Variants in STRBP observed in about 807,000 individuals in gnomAD.
The protein encoded by STRBP is spermatid perinuclear RNA binding protein.
In STRBP, 13 loss-of-function variants were observed where a neutral mutation model predicts 80.1. That is an observed-to-expected ratio of 0.16 (90% CI 0.11 to 0.26). The LOEUF is 0.26. STRBP is among the 10% of genes least tolerant of loss of function. STRBP has a pLI of 1.00. For missense variants in STRBP, 485 were observed against 815.2 expected (o/e 0.59, Z 4.93); for synonymous variants, 284 against 291.2 (o/e 0.98, Z 0.25).
intron 2 of STRBP, among the ~76,000 whole-genome samples, chr9:123,205,623 C>A (rs1238816405): frequency 6.6e-6 from 1 of 152,146 alleles, no homozygotes; most frequent in Non-Finnish European, 1.5e-5. Flanking sequence ...AAAAGAAATA[C>A]ATAGATTCAC....
intron 6 of STRBP, among the ~76,000 whole-genome samples, chr9:123,162,248 A>G (rs2037552943): frequency 6.6e-6 from 1 of 150,686 alleles, no homozygotes; most frequent in Non-Finnish European, 1.5e-5. Flanking sequence ...TTTTTGAGAC[A>G]GGTTCGTCCT....
rs981518372 is a variant in STRBP, at chr9:123,122,506, A to G, written c.*3091T>C. ...CTCTCAGTGGTTTGTTCCCCAGGCT[A>G]ACAATTTGAGAGAGACTACAAACGA... is the stretch of plus-strand genomic sequence containing the variant. On this transcript the variant is annotated 3_prime_UTR_variant, in exon 19 of 19. Coordinates refer to ENST00000348403, the MANE Select transcript of STRBP (RefSeq NM_018387.5). 3.4e-6 allele frequency: 4 copies of G among 1,188,154 alleles called. No individual in the cohort carries two copies. The African/African-American group carries it at 6.4e-5, about 19-fold the overall frequency. 73.6% of individuals were successfully genotyped at this position (1,188,154 alleles called of 1,614,324 possible).
chr9:123,230,449 C>T (rs925571942), intron 2 of STRBP, among the ~76,000 whole-genome samples: 3 of 152,280 alleles, frequency 2.0e-5, no homozygotes, highest in Admixed American at 2.0e-4. Flanking sequence ...AACTTACATA[C>T]ATTTCCTAAT....
intron 1 of STRBP, among the ~76,000 whole-genome samples, chr9:123,244,629 T>C (rs1397905047): frequency 6.6e-6 from 1 of 152,194 alleles, no homozygotes; most frequent in Non-Finnish European, 1.5e-5. Flanking sequence ...AGTCTACTAA[T>C]CTTTCTCAAA....
chr9:123,151,277 T>C (rs2037046191), intron 11 of STRBP, among the ~76,000 whole-genome samples: 1 of 152,038 alleles, frequency 6.6e-6, no homozygotes, highest in Non-Finnish European at 1.5e-5. Context: ...AAATCCACAA[T>C]AGATGGGAAC....
chr9:123,185,356 C>G (rs2038653017), intron 2 of STRBP, among the ~76,000 whole-genome samples: 1 of 152,086 alleles, frequency 6.6e-6, no homozygotes, highest in Non-Finnish European at 1.5e-5. Flanking sequence ...TGCTTGAAGC[C>G]AGAAGTTCGA....
chr9:123,154,338 A>C (rs2037187440), intron 11 of STRBP, among the ~76,000 whole-genome samples: 1 of 152,228 alleles, frequency 6.6e-6, no homozygotes, highest in Non-Finnish European at 1.5e-5. Flanking sequence ...GTCACGAAAG[A>C]TTAAACTTAG....
chr9:123,267,784 G>T (rs533531693), intron 1 of STRBP, among the ~76,000 whole-genome samples: 1 of 149,434 alleles, frequency 6.7e-6, no homozygotes, highest in East Asian at 2.0e-4. Context: ...TCCTGCTCGA[G>T]TCCCCAGTCT....
At chr9:123,200,913 G>A (rs1204075917) in intron 2 of STRBP, among the ~76,000 whole-genome samples, 1 of 151,216 alleles carries the variant, frequency 6.6e-6, no homozygotes, top group Non-Finnish European at 1.5e-5. Context: ...TAATCTCACT[G>A]CTTGTTATTG....
At chr9:123,185,045 C>T (rs1049102715) in intron 2 of STRBP, among the ~76,000 whole-genome samples, 4 of 151,194 alleles carry the variant, frequency 2.6e-5, no homozygotes, top group East Asian at 1.9e-4. Context: ...CTTTTCTGAG[C>T]ACTGATGAAA....
At chr9:123,215,334 G>C (rs142342018) in intron 2 of STRBP, among the ~76,000 whole-genome samples, 1 of 152,096 alleles carries the variant, frequency 6.6e-6, no homozygotes, top group African/African-American at 2.4e-5. Context: ...TGGGATTATA[G>C]GCATGAGCCA....
chr9:123,183,851 G>A (rs559224109), intron 3 of STRBP, among the ~76,000 whole-genome samples: 2 of 152,228 alleles, frequency 1.3e-5, no homozygotes, highest in East Asian at 3.9e-4. Context: ...GTATCAGTTT[G>A]CTAATGCCAG....
chr9:123,146,431 TA>T (rs1319034162), intron 13 of STRBP, among the ~76,000 whole-genome samples: 2 of 151,340 alleles, frequency 1.3e-5, no homozygotes, highest in South Asian at 2.1e-4. Context: ...GTACCGCCAT[TA>T]AAAATTATTT....
Position 123,122,224 on chromosome 9 carries a change from C to T in STRBP, c.*3373G>A. The T allele has an allele frequency of 1.1e-6, 1 of 875,540 alleles. No homozygotes were observed. The highest frequency in any genetic ancestry group is 1.4e-5 in the South Asian group (1 of 69,418). The allele number at this position is 875,540 out of a possible 1,614,324, so 54.2% of individuals were successfully genotyped here. ...ATACTGAGATCACAGCTTACAGTCA[C>T]TATATCTCAGCCTATTTTATACAAG... is the stretch of plus-strand genomic sequence containing the variant. On this transcript the variant is annotated 3_prime_UTR_variant, in exon 19 of 19. Transcript: ENST00000348403.
intron 1 of STRBP, among the ~76,000 whole-genome samples, chr9:123,256,605 C>CA (rs1160095938): frequency 6.6e-6 from 1 of 152,030 alleles, no homozygotes; most frequent in Non-Finnish European, 1.5e-5. Context: ...GAAAAGTTAA[C>CA]AAAAAACAAG....
intron 3 of STRBP, chr9:123,111,702 A>G (rs2035570259): frequency 2.3e-6 from 1 of 438,704 alleles, no homozygotes. Context: ...CATTCTCTTT[A>G]CCCAGTGTCC....
At position 123,161,045 on chromosome 9, in the gene STRBP, G is replaced by C; in HGVS notation, c.559C>G (p.Pro187Ala). The C allele has an allele frequency of 6.2e-7, 1 of 1,601,028 alleles. No homozygotes were observed. Among genetic ancestry groups the C allele is most frequent in the East Asian group, 2.3e-5 (1 of 43,762 alleles). Residue 187 changes from proline (P) to alanine (A), a missense_variant, in exon 7 of 19, where the codon CCG (proline) becomes GCG (alanine). Pro to Ala is a conservative substitution (Grantham distance 27). This residue lies in a region of STRBP where 377 missense variants were observed against 616.1 expected (regional missense o/e 0.61). Transcript: ENST00000348403. ...DGENVSMKDP[P>A]DLLDRQKCLN... ...CATTTCTGCCTGTCCAATAAGTCCG[G>C]AGGATCTTTCATCGAAACATTTTCT...
chr9:123,235,033 C>G (rs1278350898), intron 2 of STRBP, among the ~76,000 whole-genome samples: 3 of 143,026 alleles, frequency 2.1e-5, no homozygotes, highest in Non-Finnish European at 3.0e-5. Context: ...GTTATAAATA[C>G]AAGTGAACAC....
rs1474646311 is a variant in STRBP, at chr9:123,115,309, C to T, written c.*84+620G>A. 2.1e-6 allele frequency: 1 copy of T among 471,152 alleles called. No homozygotes were observed. The highest frequency in any genetic ancestry group is 7.0e-5 in the East Asian group (1 of 14,358). 29.2% of individuals were successfully genotyped at this position (471,152 alleles called of 1,614,324 possible). A position where few individuals can be genotyped will look rare whatever the true frequency, so the allele number is the denominator to read the frequency against. On this transcript the variant is annotated intron_variant and NMD_transcript_variant, in intron 3 of 3. Coordinates refer to the STRBP transcript ENST00000471564. This position sits in a 1 kb window ranked among gnomAD's most constrained non-coding sequence, Gnocchi z 5.0. ...GGTAAATTACTCAGTAAGCACTTCTCTCCTGAGGCCTGGCTCCTCTCCTGC... is the reference window on the plus strand; with the variant it reads ...GGTAAATTACTCAGTAAGCACTTCTTTCCTGAGGCCTGGCTCCTCTCCTGC...
Sources: allele counts gnomAD v4.1 joint callset (sites outside exome capture counted in the v4.1 genomes callset), GRCh38; gene constraint gnomAD v4.1.1; regional missense constraint gnomAD v4.1.1; non-coding constraint Gnocchi (gnomAD v3.1); transcripts MANE v1.5; gene names NCBI Gene and HGNC (gene_info 2026-07-23, HGNC 2026-07-21).